The following CYP7B1 variants were observed in gnomAD, a reference collection of about 807,000 sequenced individuals.
The protein encoded by CYP7B1 is cytochrome P450 family 7 subfamily B member 1, also known as cytochrome P450 7B1.
CYP7B1 carries 29 observed loss-of-function variants against 42.7 expected under a neutral mutation model. The ratio of observed to expected loss-of-function variants is 0.68; its 90% CI spans 0.51 to 0.93. The LOEUF (loss-of-function observed/expected upper bound fraction) is 0.93. CYP7B1 is among the 40% of genes least tolerant of loss of function. The probability of loss-of-function intolerance (pLI) is 0.00; values close to 1 mark genes in which losing one functional copy is unlikely to be tolerated. For missense variants in CYP7B1, 655 were observed against 600.5 expected (o/e 1.09, Z -0.95); for synonymous variants, 235 against 218.2 (o/e 1.08, Z -0.68).
At chr8:64,709,935 A>T (rs1419704316) in intron 1 of CYP7B1, among the ~76,000 whole-genome samples, 4 of 152,120 alleles carry the variant, frequency 2.6e-5, no homozygotes, top group African/African-American at 9.7e-5. Flanking sequence ...AATTTTTTGT[A>T]GTCTGATTTC....
chr8:64,704,190 G>A (rs1292981910), intron 1 of CYP7B1, among the ~76,000 whole-genome samples: 2 of 152,016 alleles, frequency 1.3e-5, no homozygotes. Flanking sequence ...AACTTCCTCA[G>A]ATCATGACAT....
chr8:64,695,265 T>C (rs1806806433), intron 1 of CYP7B1, among the ~76,000 whole-genome samples: 1 of 152,182 alleles, frequency 6.6e-6, no homozygotes. Context: ...GTCTGAGGAC[T>C]GACCGGACAT....
chr8:64,786,458 T>A (rs780105930), intron 1 of CYP7B1, among the ~76,000 whole-genome samples: 35 of 152,228 alleles, frequency 2.3e-4, no homozygotes, highest in Non-Finnish European at 4.6e-4. Context: ...AATAGGGCAG[T>A]CATTAAACAT....
At chr8:64,665,983 T>A (rs910081649) in intron 1 of CYP7B1, among the ~76,000 whole-genome samples, 8 of 151,258 alleles carry the variant, frequency 5.3e-5, no homozygotes, top group African/African-American at 2.4e-5. Flanking sequence ...GTTAATACAC[T>A]CTCTAAATGC....
chr8:64,591,915 C>T lies in CYP7B1; in HGVS notation c.*4727G>A, dbSNP rs922354256. ...AAAAATGAAAAGATGGGGGCGGGCA[C>T]GGTGGCTCATGTCTGCAACCCCAGC... On this transcript the variant is annotated 3_prime_UTR_variant, in exon 6 of 6. Coordinates refer to ENST00000310193, the MANE Select transcript of CYP7B1 (RefSeq NM_004820.5). Among the ~76,000 whole-genome samples the T allele has an allele frequency of 2.0e-5, 3 of 152,066 alleles. No individual in the cohort carries two copies. The highest frequency in any genetic ancestry group is 4.4e-5 in the Non-Finnish European group (3 of 68,022).
At chr8:64,647,184 G>C (rs1805966759) in intron 1 of CYP7B1, among the ~76,000 whole-genome samples, 1 of 152,116 alleles carries the variant, frequency 6.6e-6, no homozygotes, top group Admixed American at 6.5e-5. Context: ...GGAGCAGTCA[G>C]AATACATACA....
chr8:64,719,927 C>T (rs1277562186), intron 1 of CYP7B1, among the ~76,000 whole-genome samples: 1 of 152,150 alleles, frequency 6.6e-6, no homozygotes, highest in African/African-American at 2.4e-5. Context: ...ACTCTGGGTC[C>T]CTTCCCATGT....
chr8:64,610,451 T>A (rs561673397), intron 4 of CYP7B1, among the ~76,000 whole-genome samples: 11 of 152,322 alleles, frequency 7.2e-5, no homozygotes, highest in Admixed American at 6.5e-4. Context: ...CTGAATTATG[T>A]AATCTTTTAA....
intron 1 of CYP7B1, among the ~76,000 whole-genome samples, chr8:64,754,486 A>G (rs1376960621): frequency 1.3e-5 from 2 of 152,168 alleles, no homozygotes; most frequent in East Asian, 3.9e-4. Flanking sequence ...CAATCTTTAA[A>G]TGTTTAAGAT....
intron 1 of CYP7B1, among the ~76,000 whole-genome samples, chr8:64,646,683 T>C (rs1036352436): frequency 2.0e-5 from 3 of 152,220 alleles, no homozygotes; most frequent in African/African-American, 7.2e-5. Context: ...AGTTAGATCT[T>C]CTGGATAACT....
chr8:64,774,086 C>T (rs1409177694), intron 1 of CYP7B1, among the ~76,000 whole-genome samples: 2 of 152,288 alleles, frequency 1.3e-5, no homozygotes, highest in East Asian at 1.9e-4. Context: ...TCTCTCCCAC[C>T]TTTTTCCCAC....
At chr8:64,647,843 A>G (rs1805977015) in intron 1 of CYP7B1, among the ~76,000 whole-genome samples, 1 of 152,190 alleles carries the variant, frequency 6.6e-6, no homozygotes, top group Admixed American at 6.5e-5. Flanking sequence ...ACACCCTTAC[A>G]GACACACCCA....
intron 1 of CYP7B1, among the ~76,000 whole-genome samples, chr8:64,745,251 C>A (rs117160615): frequency 7.9e-5 from 12 of 152,070 alleles, no homozygotes; most frequent in Admixed American, 2.6e-4. Context: ...TCTGCATAGA[C>A]GAAAATGTCC....
downstream of CYP7B1, chr8:64,587,659 C>G (rs1445178547): frequency 6.6e-6 from 1 of 152,244 alleles, no homozygotes; most frequent in African/African-American, 2.4e-5. Context: ...TTCTAAATTA[C>G]TCGTCTTAAC....
chr8:64,684,900 G>A (rs537183347), intron 1 of CYP7B1, among the ~76,000 whole-genome samples: 3 of 152,308 alleles, frequency 2.0e-5, no homozygotes, highest in South Asian at 4.1e-4. Flanking sequence ...ACATCCACAA[G>A]GATGGCTCTT....
chr8:64,727,608 A>G (rs571631278), intron 1 of CYP7B1, among the ~76,000 whole-genome samples: 508 of 152,340 alleles, frequency 3.3e-3, no homozygotes, highest in Non-Finnish European at 5.8e-3. Context: ...GAAAAGGACT[A>G]TAGGGAACAG....
chr8:64,667,151 A>G (rs927669753), intron 1 of CYP7B1, among the ~76,000 whole-genome samples: 4 of 152,210 alleles, frequency 2.6e-5, no homozygotes, highest in African/African-American at 9.6e-5. Context: ...AAAGAACCCA[A>G]TGGGGAAAAT....
intron 1 of CYP7B1, among the ~76,000 whole-genome samples, chr8:64,789,774 C>A (rs962594598): frequency 6.6e-6 from 1 of 152,216 alleles, no homozygotes; most frequent in Non-Finnish European, 1.5e-5. Context: ...ACACACAGTG[C>A]CAAGATGACC....
intron 1 of CYP7B1, among the ~76,000 whole-genome samples, chr8:64,787,797 T>G (rs1804552752): frequency 6.6e-6 from 1 of 152,176 alleles, no homozygotes; most frequent in South Asian, 2.1e-4. Context: ...ACTGGCTAAT[T>G]TATTTAAAAA....
Sources: gnomAD v4.1 joint callset for allele counts (sites outside exome capture counted in the v4.1 genomes callset) on GRCh38, gnomAD v4.1.1 for gene constraint, MANE v1.5 for transcripts, NCBI Gene and HGNC (gene_info 2026-07-23, HGNC 2026-07-21) for gene names.